Variants in SYNPO2 observed in about 807,000 individuals in gnomAD.
SYNPO2 encodes synaptopodin 2.
In SYNPO2, 56 loss-of-function variants were observed where a neutral mutation model predicts 85.0. The ratio of observed to expected loss-of-function variants is 0.66; its 90% CI spans 0.53 to 0.82. The LOEUF (loss-of-function observed/expected upper bound fraction) is 0.82. Ranked by LOEUF, SYNPO2 falls within the 40% of genes least tolerant of loss-of-function variation. The pLI is 0.00. For missense variants in SYNPO2, 1,575 were observed against 1,534.2 expected, an observed-to-expected ratio of 1.03 and a Z score of -0.44; for synonymous variants, 602 against 591.1, an observed-to-expected ratio of 1.02 and a Z score of -0.27.
chr4:118,853,241 A>G (rs776736070), intron 1 of SYNPO2, among the ~76,000 whole-genome samples: 20 of 152,304 alleles, frequency 1.3e-4, no homozygotes, highest in Non-Finnish European at 2.2e-4. Context: ...GTAGGTTCTC[A>G]ACAGATGTTT....
At chr4:118,868,837 A>G (rs1731748692) in intron 1 of SYNPO2, among the ~76,000 whole-genome samples, 1 of 152,174 alleles carries the variant, frequency 6.6e-6, no homozygotes, top group Admixed American at 6.5e-5. Context: ...TACCCTGAAT[A>G]TGTTGCTAGG....
At chr4:118,990,656 A>G (rs1472027183) in intron 1 of SYNPO2, among the ~76,000 whole-genome samples, 2 of 152,106 alleles carry the variant, frequency 1.3e-5, no homozygotes, top group East Asian at 3.9e-4. Context: ...TCGCCCAGGC[A>G]GGAGTGCAGT....
intron 1 of SYNPO2, among the ~76,000 whole-genome samples, chr4:118,925,621 A>G (rs1252754196): frequency 1.3e-5 from 2 of 152,136 alleles, no homozygotes; most frequent in South Asian, 4.1e-4. Flanking sequence ...AACATTCATT[A>G]CCTTTAGACT....
intron 4 of SYNPO2, among the ~76,000 whole-genome samples, chr4:119,040,168 A>C (rs564876276): frequency 2.6e-5 from 4 of 152,366 alleles, no homozygotes; most frequent in African/African-American, 9.6e-5. Flanking sequence ...AGCTATTATT[A>C]TTCTTCTAAG....
chr4:119,029,897 T>G lies in SYNPO2; in HGVS notation c.1122T>G (p.Ser374=). The change falls in exon 4 of 5, where the codon TCT becomes TCG. Residue 374 remains serine (S), a synonymous_variant. Transcript: ENST00000307142. The part of the protein sequence containing the change: ...LSEKQVKEAK[S]KCKSIALLLT... ...AAAAACAAGTGAAGGAAGCAAAATC[T>G]AAATGCAAAAGCATTGCCCTTCTTC... The G allele has an allele frequency of 6.2e-7, 1 of 1,606,318 alleles. No homozygotes were observed. The highest frequency in any genetic ancestry group is 8.5e-7 in the Non-Finnish European group (1 of 1,174,056).
At chr4:118,932,275 C>T (rs1331480877) in intron 1 of SYNPO2, among the ~76,000 whole-genome samples, 1 of 152,124 alleles carries the variant, frequency 6.6e-6, no homozygotes, top group Non-Finnish European at 1.5e-5. Flanking sequence ...GCACCACTGA[C>T]CCCACAAGAA....
chr4:118,945,764 T>G (rs527328281), intron 1 of SYNPO2, among the ~76,000 whole-genome samples: 1 of 151,686 alleles, frequency 6.6e-6, no homozygotes, highest in African/African-American at 2.4e-5. Context: ...TGTTTTTTTT[T>G]GAGATGGAGT....
At chr4:118,905,579 T>A (rs1347156077) in intron 1 of SYNPO2, among the ~76,000 whole-genome samples, 3 of 152,164 alleles carry the variant, frequency 2.0e-5, no homozygotes, top group Non-Finnish European at 4.4e-5. Context: ...CATTGTGTGA[T>A]TTTCCAGGAG....
At chr4:118,918,638 T>G (rs569531111) in intron 1 of SYNPO2, among the ~76,000 whole-genome samples, 1 of 152,352 alleles carries the variant, frequency 6.6e-6, no homozygotes, top group Admixed American at 6.5e-5. Context: ...TCTAATTTGA[T>G]GATGTGGAAC....
intron 1 of SYNPO2, among the ~76,000 whole-genome samples, chr4:118,968,983 A>G (rs575681009): frequency 3.3e-5 from 5 of 152,328 alleles, no homozygotes; most frequent in African/African-American, 9.6e-5. Flanking sequence ...AGAACGAGAA[A>G]ATCCACAGAA....
intron 1 of SYNPO2, among the ~76,000 whole-genome samples, chr4:118,947,410 T>C (rs1176620627): frequency 6.6e-6 from 1 of 152,242 alleles, no homozygotes; most frequent in Non-Finnish European, 1.5e-5. Context: ...TTTCTAAGTA[T>C]GTTCATGTCA....
upstream of SYNPO2, among the ~76,000 whole-genome samples, chr4:118,885,712 A>T (rs932839342): frequency 4.6e-5 from 7 of 152,072 alleles, 1 homozygote; most frequent in Non-Finnish European, 1.0e-4. Context: ...ACCTCAAGTG[A>T]TCCACCCACC....
chr4:118,963,399 T>G (rs985548834), intron 1 of SYNPO2, among the ~76,000 whole-genome samples: 2 of 152,260 alleles, frequency 1.3e-5, no homozygotes, highest in African/African-American at 4.8e-5. Flanking sequence ...AGTAATTAAT[T>G]GCTACTTCAA....
intron 1 of SYNPO2, among the ~76,000 whole-genome samples, chr4:118,879,988 T>C (rs1265712735): frequency 6.6e-6 from 1 of 152,142 alleles, no homozygotes; most frequent in Non-Finnish European, 1.5e-5. Flanking sequence ...AATCCCTCCT[T>C]ATTTCTCTCA....
At chr4:119,012,375 C>CTTT (rs10651853) in intron 1 of SYNPO2, among the ~76,000 whole-genome samples, 4,779 of 109,468 alleles carry the variant, frequency 0.044, 93 homozygotes, top group Admixed American at 0.061. Context: ...TCCCCCTTTT[C>CTTT]TTTTTTTTTT....
chr4:119,057,835 T>C lies in SYNPO2; in HGVS notation c.3687T>C (p.Asp1229=). The C allele has an allele frequency of 2.5e-6, 4 of 1,614,100 alleles. No individual in the cohort carries two copies. The highest frequency in any genetic ancestry group is 3.4e-6 in the Non-Finnish European group (4 of 1,180,014). The change falls in exon 5 of 5, where the codon GAT becomes GAC. Residue 1229 remains aspartate (D), a synonymous_variant. Transcript: ENST00000307142. ...YAYYRQASRN[D]SAIMSMETRS... ...ATTATAGGCAGGCTTCAAGAAATGA[T>C]TCTGCAATCATGTCCATGGAAACCA... is the stretch of plus-strand genomic sequence containing the variant.
Position 119,031,384 on chromosome 4 carries a change from G to A in SYNPO2, c.2609G>A (p.Gly870Glu). 6.2e-7 allele frequency: 1 copy of A among 1,614,114 alleles called. No homozygotes were observed. The highest frequency in any genetic ancestry group is 8.5e-7 in the Non-Finnish European group (1 of 1,180,028). Residue 870 changes from glycine to glutamate, a missense_variant, in exon 4 of 5, where the codon GGG becomes GAG. Coordinates refer to ENST00000307142, the MANE Select transcript of SYNPO2 (RefSeq NM_133477.3). ...GPSNELPGMS[G>E]RGAQLFAKRQ... ...TCCAATGAGCTTCCAGGAATGAGTG[G>A]GAGAGGAGCTCAGCTCTTTGCTAAA...
chr4:119,031,540 C>A lies in SYNPO2; in HGVS notation c.2765C>A (p.Pro922His). 2.5e-6 allele frequency: 4 copies of A among 1,614,190 alleles called. No homozygotes were observed. Among genetic ancestry groups the A allele is most frequent in the Non-Finnish European group, 3.4e-6 (4 of 1,180,032 alleles). Residue 922 changes from proline (P) to histidine (H), a missense_variant, in exon 4 of 5, where the codon CCT becomes CAT. Coordinates refer to ENST00000307142, the MANE Select transcript of SYNPO2 (RefSeq NM_133477.3). ...KYSSNVRAPP[P>H]VAYNPIHSPS... Reference sequence around the variant, plus strand: ...TCCTCCAATGTCCGAGCACCTCCTCCTGTGGCCTATAATCCTATCCACTCG... The same window carrying A: ...TCCTCCAATGTCCGAGCACCTCCTCATGTGGCCTATAATCCTATCCACTCG...
At position 118,995,862 on chromosome 4, in the gene SYNPO2, T is replaced by TTATCTATCTATC. The variant is rs34223926; in HGVS notation, c.106-27535_106-27524dup. Reference sequence around the variant, plus strand: ...TTATCTGTCCATGTATCTATTTATCTTATCTATCTATCTATCTATCTATCT... The same window carrying TTATCTATCTATC: ...TTATCTGTCCATGTATCTATTTATCTTATCTATCTATCTATCTATCTATCTATCTATCTATCT... On this transcript the variant is annotated intron_variant, in intron 1 of 4. Transcript: ENST00000307142. Among the ~76,000 whole-genome samples the TTATCTATCTATC allele has an allele frequency of 5.8e-3, 859 of 148,422 alleles. 1 individual carries two copies. Among genetic ancestry groups the TTATCTATCTATC allele is most frequent in the Middle Eastern group, 0.017 (5 of 290 alleles).
Sources: gnomAD v4.1 joint callset for allele counts (sites outside exome capture counted in the v4.1 genomes callset) on GRCh38, gnomAD v4.1.1 for gene constraint, MANE v1.5 for transcripts, NCBI Gene and HGNC (gene_info 2026-07-23, HGNC 2026-07-21) for gene names.